TTC28: variants seen among roughly 807,000 people sequenced by gnomAD.
TTC28 encodes the protein tetratricopeptide repeat protein 28.
A neutral mutation model predicts 198.0 loss-of-function variants in TTC28; 61 were observed. The observed-to-expected ratio is 0.31, with a 90% CI of 0.25 to 0.38. TTC28 has a LOEUF of 0.38. Ranked by LOEUF, TTC28 falls within the 10% of genes least tolerant of loss-of-function variation. The pLI is 1.00. For synonymous variants in TTC28, 1,171 were observed against 1,297.8 expected, an observed-to-expected ratio of 0.90 and a Z score of 2.10; for missense variants, 2,678 against 3,164.0, an observed-to-expected ratio of 0.85 and a Z score of 3.69.
chr22:27,995,911 G>A (rs1322093702), intron 17 of TTC28, among the ~76,000 whole-genome samples: 2 of 152,158 alleles, frequency 1.3e-5, no homozygotes, highest in Non-Finnish European at 2.9e-5. Context: ...GAAGCACCCT[G>A]GGGATACTGC....
intron 2 of TTC28, among the ~76,000 whole-genome samples, chr22:28,387,561 T>C (rs1336702145): frequency 1.3e-5 from 2 of 152,150 alleles, no homozygotes; most frequent in Admixed American, 1.3e-4. Context: ...TGGTATCTCA[T>C]TGTGGTTTTG....
intron 6 of TTC28, among the ~76,000 whole-genome samples, chr22:28,130,946 G>C (rs1032976273): frequency 1.3e-5 from 2 of 152,320 alleles, no homozygotes; most frequent in African/African-American, 4.8e-5. Context: ...TGCCTGAGGA[G>C]CCAAACGTCA....
In TTC28 at chr22:28,679,808, G is replaced by C; in HGVS notation, c.-85C>G. ...CGCCGGTTCCGCGCGCCATGTTCCCGCCGTGCTGCGCGCCGCCGCGGCGCC... is the reference window on the plus strand; with the variant it reads ...CGCCGGTTCCGCGCGCCATGTTCCCCCCGTGCTGCGCGCCGCCGCGGCGCC... On this transcript the variant is annotated 5_prime_UTR_variant, in exon 1 of 23. Transcript: ENST00000397906. 1.5e-6 allele frequency: 1 copy of C among 651,466 alleles called. No homozygotes were observed. Among genetic ancestry groups the C allele is most frequent in the Non-Finnish European group, 2.0e-6 (1 of 497,466 alleles). 40.4% of individuals were successfully genotyped at this position (651,466 alleles called of 1,614,324 possible).
At chr22:28,419,002 T>C (rs1192265137) in intron 2 of TTC28, among the ~76,000 whole-genome samples, 2 of 152,130 alleles carry the variant, frequency 1.3e-5, no homozygotes, top group Non-Finnish European at 2.9e-5. Flanking sequence ...ACAGACTCTG[T>C]AGGAGCAGAG....
At chr22:28,409,250 G>A (rs983840972) in intron 2 of TTC28, among the ~76,000 whole-genome samples, 7 of 152,112 alleles carry the variant, frequency 4.6e-5, no homozygotes, top group Admixed American at 3.9e-4. Context: ...TTAAAGAGCC[G>A]AGAGAAGTGC....
intron 15 of TTC28, chr22:28,000,006 A>C (rs1011363168): frequency 2.0e-5 from 3 of 152,144 alleles, no homozygotes; most frequent in Admixed American, 2.0e-4. Flanking sequence ...TTTCTGGTTA[A>C]GCTACAAACA....
intron 2 of TTC28, among the ~76,000 whole-genome samples, chr22:28,332,047 T>TCTTCTACAGAGCTA (rs1165104377): frequency 6.6e-6 from 1 of 152,078 alleles, no homozygotes; most frequent in Non-Finnish European, 1.5e-5. Context: ...TGCATATGAG[T>TCTTCTACAGAGCTA]CTTCTACAGA....
chr22:28,055,785 T>C (rs1940263199), intron 12 of TTC28, among the ~76,000 whole-genome samples: 2 of 152,110 alleles, frequency 1.3e-5, no homozygotes. Flanking sequence ...ATGACCATCA[T>C]TAATCCATGC....
chr22:28,281,184 T>A (rs182502732), intron 5 of TTC28, among the ~76,000 whole-genome samples: 2 of 152,298 alleles, frequency 1.3e-5, no homozygotes, highest in African/African-American at 4.8e-5. Context: ...CACTCTCTTT[T>A]GCATCATTAT....
At chr22:27,984,245 T>G (rs1337236390) in intron 22 of TTC28, among the ~76,000 whole-genome samples, 13 of 152,088 alleles carry the variant, frequency 8.5e-5, no homozygotes. Context: ...CTGCCCTCCT[T>G]TCCAGCTCCA....
At chr22:28,385,281 G>A (rs1299260723) in intron 2 of TTC28, among the ~76,000 whole-genome samples, 3 of 148,766 alleles carry the variant, frequency 2.0e-5, no homozygotes, top group East Asian at 2.0e-4. Flanking sequence ...TGCCCAGGCT[G>A]GAGTGCAATG....
chr22:28,031,558 G>T (rs956194961), intron 12 of TTC28, among the ~76,000 whole-genome samples: 5 of 152,268 alleles, frequency 3.3e-5, no homozygotes, highest in Admixed American at 1.3e-4. Flanking sequence ...ATACAGATTT[G>T]GGTTTAGGAC....
intron 3 of TTC28, among the ~76,000 whole-genome samples, chr22:28,301,855 G>T (rs1177280744): frequency 2.0e-5 from 3 of 152,064 alleles, no homozygotes; most frequent in East Asian, 3.9e-4. Flanking sequence ...TGGGCAACAT[G>T]GTGAAACCTC....
intron 2 of TTC28, among the ~76,000 whole-genome samples, chr22:28,549,377 G>A (rs141560263): frequency 3.3e-5 from 5 of 152,146 alleles, no homozygotes; most frequent in African/African-American, 1.2e-4. Flanking sequence ...TGATCAGTCT[G>A]GTTTTCTGTA....
chr22:28,248,095 G>GT (rs2147267613), intron 5 of TTC28, among the ~76,000 whole-genome samples: 1 of 152,350 alleles, frequency 6.6e-6, no homozygotes, highest in South Asian at 2.1e-4. Flanking sequence ...AGCCCAGTCA[G>GT]TATTAGTAAG....
At chr22:28,657,696 T>C (rs1301478481) in intron 1 of TTC28, among the ~76,000 whole-genome samples, 1 of 152,148 alleles carries the variant, frequency 6.6e-6, no homozygotes, top group Non-Finnish European at 1.5e-5. Context: ...CTGGCCAACA[T>C]GGTGAAACCC....
At chr22:27,992,521 G>A (rs1008517820) in intron 19 of TTC28, 66 bp downstream of exon 19, 2 of 1,510,506 alleles carry the variant, frequency 1.3e-6, no homozygotes, top group African/African-American at 1.4e-5. Context: ...TTAGGGCCAA[G>A]TTGCTCTGCC....
At chr22:28,334,204 G>A (rs2045667084) in intron 2 of TTC28, among the ~76,000 whole-genome samples, 1 of 151,908 alleles carries the variant, frequency 6.6e-6, no homozygotes, top group Non-Finnish European at 1.5e-5. Context: ...TGGCTGCATA[G>A]TATTCCATGG....
chr22:28,606,244 T>C (rs1353712151), intron 2 of TTC28, among the ~76,000 whole-genome samples: 3 of 151,994 alleles, frequency 2.0e-5, no homozygotes, highest in East Asian at 1.9e-4. Flanking sequence ...CCATCATGCA[T>C]GGCTTTTTCT....
Sources: allele counts gnomAD v4.1 joint callset (sites outside exome capture counted in the v4.1 genomes callset), GRCh38; gene constraint gnomAD v4.1.1; transcripts MANE v1.5; gene names NCBI Gene and HGNC (gene_info 2026-07-23, HGNC 2026-07-21).